TK2: variants seen among roughly 807,000 people sequenced by gnomAD.
TK2 encodes thymidine kinase 2, mitochondrial.
A neutral mutation model predicts 41.9 loss-of-function variants in TK2; 35 were observed. That is an observed-to-expected ratio of 0.84 (90% confidence interval 0.64 to 1.11). The LOEUF is 1.11. Among genes scored for constraint, TK2 ranks in the 50% least tolerant of loss-of-function variants. The pLI is 0.00. For missense variants in TK2, 320 were observed against 351.1 expected (o/e 0.91, Z 0.71); for synonymous variants, 128 against 129.1 (o/e 0.99, Z 0.06).
Position 66,541,964 on chromosome 16 carries a change from A to T in TK2, c.157-11T>A, listed in dbSNP as rs761299501. ...GCCCTCGACACAGATCTGGCAAAAGACGAATGCATATTAGAGCCAGAACTC... is the reference window on the plus strand; with the variant it reads ...GCCCTCGACACAGATCTGGCAAAAGTCGAATGCATATTAGAGCCAGAACTC... On this transcript the variant is annotated splice_polypyrimidine_tract_variant and intron_variant, in intron 2 of 9. Transcript: ENST00000544898. 1.9e-6 allele frequency: 3 copies of T among 1,614,008 alleles called. No individual in the cohort carries two copies. Among genetic ancestry groups the T allele is most frequent in the East Asian group, 2.2e-5 (1 of 44,882 alleles).
intron 6 of TK2, among the ~76,000 whole-genome samples, chr16:66,522,471 C>T (rs556332493): frequency 2.2e-4 from 34 of 152,326 alleles, no homozygotes; most frequent in Admixed American, 5.2e-4. Flanking sequence ...CTTTGCTTCC[C>T]ATTACTCGGC....
In TK2 at chr16:66,520,103, C is replaced by T. The variant is rs37175; in HGVS notation, c.450-2226G>A. Among the ~76,000 whole-genome samples, 343 of 152,286 alleles carry T rather than the reference C, an allele frequency of 2.3e-3. 1 individual carries two copies. Among genetic ancestry groups the T allele is most frequent in the Non-Finnish European group, 4.0e-3 (270 of 68,026 alleles). On this transcript the variant is annotated intron_variant, in intron 6 of 9. Transcript: ENST00000544898. ...GCAGCGGGGCCTGAGCAGACTGCAGCACAGAGGCCAGGGCAGACCAACCTG... is the reference window on the plus strand; with the variant it reads ...GCAGCGGGGCCTGAGCAGACTGCAGTACAGAGGCCAGGGCAGACCAACCTG...
chr16:66,524,828 A>G (rs1172219461), intron 6 of TK2: 1 of 152,296 alleles, frequency 6.6e-6, no homozygotes, highest in African/African-American at 2.4e-5. Context: ...CTGTCTGGAA[A>G]GAGGCAGAGT....
intron 8 of TK2, 156 bp from the exon 9 acceptor site, chr16:66,513,967 G>A: frequency 2.8e-6 from 2 of 708,952 alleles, no homozygotes; most frequent in Non-Finnish European, 2.5e-6. Flanking sequence ...GTGGACAGCG[G>A]CAGACGCAGC....
chr16:66,512,403 A>G (rs897068385), intron 9 of TK2, among the ~76,000 whole-genome samples: 1 of 152,260 alleles, frequency 6.6e-6, no homozygotes. Context: ...TAAGCTCATG[A>G]ATGATTTGTT....
At chr16:66,516,740 A>C (rs559709111) in intron 8 of TK2, among the ~76,000 whole-genome samples, 4 of 152,068 alleles carry the variant, frequency 2.6e-5, no homozygotes, top group African/African-American at 9.6e-5. Context: ...GGGATGCAGC[A>C]GTGAACAAGA....
At chr16:66,513,533 C>T (rs1964512838) in intron 9 of TK2, among the ~76,000 whole-genome samples, 198 bp downstream of exon 9, 1 of 152,178 alleles carries the variant, frequency 6.6e-6, no homozygotes, top group African/African-American at 2.4e-5. Flanking sequence ...TGCCTTCCCT[C>T]GGGTCTGGCC....
In TK2 at chr16:66,549,993, C is replaced by T. The variant is rs1430644578; in HGVS notation, c.69G>A (p.Gly23=). ...GCGGCCCGGGGCCTGAGGCCGGGCTCCCGCGACTTCCCGGCCCAAAGCAGC... is the reference window on the plus strand; with the variant it reads ...GCGGCCCGGGGCCTGAGGCCGGGCTTCCGCGACTTCCCGGCCCAAAGCAGC... ...ALRCFGPGSR[G]SPASGPGPRR... Residue 23 remains glycine, a synonymous_variant, in exon 1 of 10, where the codon GGG becomes GGA. Coordinates refer to ENST00000544898, the MANE Select transcript of TK2 (RefSeq NM_004614.5). 4 of 1,520,702 alleles carry T rather than the reference C, an allele frequency of 2.6e-6. No individual in the cohort carries two copies. Among genetic ancestry groups the T allele is most frequent in the Non-Finnish European group, 3.5e-6 (4 of 1,139,222 alleles). 94.2% of individuals were successfully genotyped at this position (1,520,702 alleles called of 1,614,324 possible). A position where few individuals can be genotyped will look rare whatever the true frequency, so the allele number is the denominator to read the frequency against.
At chr16:66,549,408 C>T in intron 1 of TK2, 1 of 1,091,260 alleles carries the variant, frequency 9.2e-7, no homozygotes. Context: ...AGGCCCAGGG[C>T]GGGCATCGCT....
rs990729327 is a variant in TK2 at position 66,514,512 on chromosome 16, C to T, written c.619-701G>A. 1.8e-4 allele frequency among the ~76,000 whole-genome samples: 28 copies of T among 152,188 alleles called. No individual in the cohort carries two copies. Among genetic ancestry groups the T allele is most frequent in the African/African-American group, 6.5e-4 (27 of 41,450 alleles). ...CGCCTGCCTTGGCCTCCCAAAGTGC[C>T]GAGATTGCAGCCTCTGCCCGGCTGC... On this transcript the variant is annotated intron_variant, in intron 8 of 9. Transcript: ENST00000544898. The surrounding 1 kb of genome is among the most constrained non-coding windows in gnomAD (Gnocchi z 4.2).
intron 6 of TK2, among the ~76,000 whole-genome samples, chr16:66,522,757 G>A (rs773763129): frequency 4.6e-5 from 7 of 152,248 alleles, no homozygotes; most frequent in African/African-American, 1.4e-4. Flanking sequence ...CCAGCTACTC[G>A]GGAGGCTGAG....
chr16:66,528,881 GA>G (rs1384164770), intron 6 of TK2, 112 bp downstream of exon 6: 1 of 1,005,360 alleles, frequency 9.9e-7, no homozygotes, highest in African/African-American at 1.6e-5. Flanking sequence ...TATGGCAATG[GA>G]TAACTGATAC....
chr16:66,509,725 G>C lies in TK2; in HGVS notation c.*2243C>G, dbSNP rs546208453. Reference sequence around the variant, plus strand: ...CCCCTGCCATGCCCCTCCCAGCCATGACCCCCCAGTGCTCTAAGGACAAGG... The same window carrying C: ...CCCCTGCCATGCCCCTCCCAGCCATCACCCCCCAGTGCTCTAAGGACAAGG... On this transcript the variant is annotated 3_prime_UTR_variant, in exon 10 of 10. Coordinates refer to ENST00000544898, the MANE Select transcript of TK2 (RefSeq NM_004614.5). 1 of 152,774 alleles carries C rather than the reference G, an allele frequency of 6.5e-6. No homozygotes were observed. Among genetic ancestry groups the C allele is most frequent in the South Asian group, 2.1e-4 (1 of 4,846 alleles). 9.5% of individuals were successfully genotyped at this position (152,774 alleles called of 1,614,324 possible). A position where few individuals can be genotyped will look rare whatever the true frequency, so the allele number is the denominator to read the frequency against.
intron 4 of TK2, among the ~76,000 whole-genome samples, chr16:66,535,230 A>G (rs1197854055): frequency 6.6e-6 from 1 of 152,208 alleles, no homozygotes. Context: ...TCTAGAGTGG[A>G]AACTTATATA....
At chr16:66,542,930 T>A (rs1220083565) in intron 2 of TK2, among the ~76,000 whole-genome samples, 2 of 152,186 alleles carry the variant, frequency 1.3e-5, no homozygotes, top group Non-Finnish European at 2.9e-5. Context: ...TGGAGCACAG[T>A]GGCGTGATCT....
At chr16:66,538,425 C>T (rs964366964) in intron 3 of TK2, among the ~76,000 whole-genome samples, 4 of 152,164 alleles carry the variant, frequency 2.6e-5, no homozygotes, top group African/African-American at 9.7e-5. Context: ...GTAGCATACA[C>T]AGCACCACAC....
chr16:66,515,842 C>T (rs1231698906), intron 8 of TK2, among the ~76,000 whole-genome samples: 2 of 152,160 alleles, frequency 1.3e-5, no homozygotes, highest in African/African-American at 4.8e-5. Flanking sequence ...AGGAATGCAT[C>T]GTGCTGGCAC....
At chr16:66,534,501 C>G (rs1156409361) in intron 4 of TK2, among the ~76,000 whole-genome samples, 2 of 152,210 alleles carry the variant, frequency 1.3e-5, no homozygotes, top group Non-Finnish European at 2.9e-5. Flanking sequence ...TCATGGCCCA[C>G]AAGGCTTTCT....
At chr16:66,513,380 G>T (rs933415817) in intron 9 of TK2, among the ~76,000 whole-genome samples, 1 of 152,174 alleles carries the variant, frequency 6.6e-6, no homozygotes, top group African/African-American at 2.4e-5. Flanking sequence ...GTGAAATGAG[G>T]CTCTGTGTCA....
Sources: gnomAD v4.1 joint callset for allele counts (sites outside exome capture counted in the v4.1 genomes callset) on GRCh38, gnomAD v4.1.1 for gene constraint, Gnocchi (gnomAD v3.1) non-coding constraint, MANE v1.5 for transcripts, NCBI Gene and HGNC (gene_info 2026-07-23, HGNC 2026-07-21) for gene names.